BPTF: variants seen among roughly 807,000 people sequenced by gnomAD.
The protein encoded by BPTF is bromodomain PHD finger transcription factor.
In BPTF, 18 loss-of-function variants were observed where a neutral mutation model predicts 292.5. The observed-to-expected ratio is 0.06, with a 90% confidence interval of 0.04 to 0.09. The LOEUF is 0.09. Among genes scored for constraint, BPTF ranks in the 10% least tolerant of loss-of-function variants. BPTF has a pLI of 1.00. For synonymous variants in BPTF, 1,225 were observed against 1,251.9 expected (o/e 0.98, Z 0.45); for missense variants, 2,726 against 3,498.7 (o/e 0.78, Z 5.57).
At chr17:67,844,588 A>G (rs142355841) in intron 1 of BPTF, among the ~76,000 whole-genome samples, 7,145 of 142,484 alleles carry the variant, frequency 0.05, 217 homozygotes, top group South Asian at 0.11. Flanking sequence ...TTTACTAGAG[A>G]CAGAGTTTCA....
intron 1 of BPTF, among the ~76,000 whole-genome samples, chr17:67,846,700 G>T (rs1183865277): frequency 6.6e-6 from 1 of 152,080 alleles, no homozygotes; most frequent in African/African-American, 2.4e-5. Flanking sequence ...CTTAGGACTT[G>T]TGTGGGTTTG....
chr17:67,881,899 C>T (rs2060451769), intron 4 of BPTF, among the ~76,000 whole-genome samples: 2 of 113,714 alleles, frequency 1.8e-5, no homozygotes, highest in South Asian at 3.0e-4. Flanking sequence ...CAGGGTCTTG[C>T]TCTGTCACCC....
intron 17 of BPTF, among the ~76,000 whole-genome samples, chr17:67,930,115 C>CAA (rs57367735): frequency 3.7e-5 from 4 of 107,850 alleles, no homozygotes; most frequent in Non-Finnish European, 6.5e-5. Context: ...GACCTTGTCT[C>CAA]AAAAAAAAAA....
chr17:67,972,180 T>A (rs1483028409), intron 26 of BPTF, among the ~76,000 whole-genome samples: 1 of 152,184 alleles, frequency 6.6e-6, no homozygotes, highest in Non-Finnish European at 1.5e-5. Context: ...ATATTTCTTA[T>A]ATTTTTCTCT....
rs770051470 is a variant in BPTF at position 67,854,287 on chromosome 17, A to C, written c.961A>C (p.Ile321Leu). 5 of 1,614,060 alleles carry C rather than the reference A, an allele frequency of 3.1e-6. No individual in the cohort carries two copies. In the Admixed American group the frequency reaches 8.3e-5, roughly 27 times the overall value. ...KDSVNSTLYF[I>L]DGMTWPEVLR... is the part of the protein sequence containing the mutation. ...TAGCGTTAATTCCACACTGTATTTC[A>C]TAGATGGGATGACGTGGCCAGAGGT... The change falls in exon 2 of 28, where the codon ATA becomes CTA. Residue 321 changes from isoleucine to leucine, a missense_variant. Coordinates refer to ENST00000306378, the MANE Select transcript of BPTF (RefSeq NM_182641.4). The surrounding 1 kb of genome is among the most constrained non-coding windows in gnomAD (Gnocchi z 5.6).
Position 67,931,997 on chromosome 17 carries a change from A to T in BPTF, c.6237A>T (p.Arg2079=). The T allele has an allele frequency of 4.3e-6, 7 of 1,613,964 alleles. No individual in the cohort carries two copies. Among genetic ancestry groups the T allele is most frequent in the Non-Finnish European group, 4.2e-6 (5 of 1,179,854 alleles). ...QQSTLGKAII[R]TPVMVQPGAP... is the part of the protein sequence containing the mutation. ...CAACACTAGGAAAGGCAATTATTCGAACACCTGTGATGGTACAGCCAGGTA... is the reference window on the plus strand; with the variant it reads ...CAACACTAGGAAAGGCAATTATTCGTACACCTGTGATGGTACAGCCAGGTA... The change falls in exon 18 of 28, where the codon CGA becomes CGT. Residue 2079 remains arginine (R), a synonymous_variant. Transcript: ENST00000306378.
rs1483075442 is a variant in BPTF, at chr17:67,881,852, GTTTTTGTTTT to G, written c.1864+6838_1864+6847del. Among the ~76,000 whole-genome samples the G allele has an allele frequency of 7.3e-4, 28 of 38,402 alleles. 1 individual carries two copies. Among genetic ancestry groups the G allele is most frequent in the African/African-American group, 1.1e-3 (26 of 22,654 alleles). 25.2% of individuals were successfully genotyped at this position (38,402 alleles called of 152,430 possible). A position where few individuals can be genotyped will look rare whatever the true frequency, so the allele number is the denominator to read the frequency against. ...TAATATGGAGTTTTGGGGATTTTGG[GTTTTTGTTTT>G]TTTTTTTTTTTTTTTTTTTTTTGAG... On this transcript the variant is annotated intron_variant, in intron 4 of 27. Coordinates refer to ENST00000306378, the MANE Select transcript of BPTF (RefSeq NM_182641.4).
chr17:67,942,070 T>C (rs2065415029), intron 19 of BPTF, among the ~76,000 whole-genome samples: 1 of 151,818 alleles, frequency 6.6e-6, no homozygotes, highest in Non-Finnish European at 1.5e-5. Flanking sequence ...GGGGCCAAGG[T>C]TTTGGGAGGC....
At chr17:67,858,075 C>T (rs1002828066) in intron 2 of BPTF, among the ~76,000 whole-genome samples, 19 of 152,084 alleles carry the variant, frequency 1.2e-4, no homozygotes, top group Admixed American at 4.6e-4. Flanking sequence ...CGTGAGCCAC[C>T]GTGCCCGGCT....
chr17:67,862,775 C>T (rs1567925808), intron 2 of BPTF, among the ~76,000 whole-genome samples: 1 of 151,214 alleles, frequency 6.6e-6, no homozygotes, highest in South Asian at 2.1e-4. Flanking sequence ...GTCAGCAGGG[C>T]CATGCTCCCT....
In BPTF at chr17:67,909,125, G is replaced by A. The variant is rs150691668; in HGVS notation, c.2813-457G>A. Reference sequence around the variant, plus strand: ...GCTGGGATTACAGGCATGAGCCACCGCACCAGCCTATAGTATTAATGTTTA... The same window carrying A: ...GCTGGGATTACAGGCATGAGCCACCACACCAGCCTATAGTATTAATGTTTA... On this transcript the variant is annotated intron_variant, in intron 9 of 27. Transcript: ENST00000306378. Among the ~76,000 whole-genome samples, 9 of 151,638 alleles carry A rather than the reference G, an allele frequency of 5.9e-5. No individual in the cohort carries two copies. The East Asian group carries it at 1.4e-3, about 23-fold the overall frequency.
intron 1 of BPTF, among the ~76,000 whole-genome samples, chr17:67,832,792 T>TC (rs1428879318): frequency 7.0e-6 from 1 of 142,130 alleles, no homozygotes; most frequent in African/African-American, 2.7e-5. Context: ...TCTTTTTTTT[T>TC]TTTTTTTTTT....
At chr17:67,968,288 A>G (rs550751598) in intron 26 of BPTF, among the ~76,000 whole-genome samples, 1 of 151,582 alleles carries the variant, frequency 6.6e-6, no homozygotes, top group African/African-American at 2.4e-5. Context: ...GAAATAAATG[A>G]AAACTATCTC....
intron 26 of BPTF, among the ~76,000 whole-genome samples, chr17:67,973,054 T>TTATATATATATAAATATATATATAATA (rs1568222512): frequency 6.9e-6 from 1 of 144,446 alleles, no homozygotes; most frequent in African/African-American, 2.5e-5. Flanking sequence ...TATATATATT[T>TTATATATATATAAATATATATATAATA]TATATATATA....
intron 23 of BPTF, among the ~76,000 whole-genome samples, chr17:67,949,690 T>TATAC (rs1555677411): frequency 1.5e-4 from 22 of 151,534 alleles, no homozygotes; most frequent in African/African-American, 2.4e-4. Context: ...CAGACATACA[T>TATAC]ATATATATAC....
At chr17:67,858,254 G>A (rs1278718757) in intron 2 of BPTF, among the ~76,000 whole-genome samples, 9 of 152,328 alleles carry the variant, frequency 5.9e-5, no homozygotes, top group Admixed American at 1.3e-4. Context: ...TAAAATATGT[G>A]TAACTTTTTT....
Position 67,910,856 on chromosome 17 carries a change from A to G in BPTF, c.2993-21A>G, listed in dbSNP as rs777003231. ...CTTTCAGAGTAAAAATTACATTTATATAAATGTCTTTGTTTCACAGATGTG... is the reference window on the plus strand; with the variant it reads ...CTTTCAGAGTAAAAATTACATTTATGTAAATGTCTTTGTTTCACAGATGTG... On this transcript the variant is annotated intron_variant, in intron 10 of 27. Transcript: ENST00000306378. The G allele has an allele frequency of 7.3e-6, 11 of 1,514,374 alleles. No homozygotes were observed. The East Asian group carries it at 1.6e-4, about 22-fold the overall frequency. The allele number at this position is 1,514,374 out of a possible 1,614,324, so 93.8% of individuals were successfully genotyped here.
chr17:67,850,980 A>G (rs1397345785), intron 1 of BPTF, among the ~76,000 whole-genome samples: 2 of 152,212 alleles, frequency 1.3e-5, no homozygotes, highest in Non-Finnish European at 2.9e-5. Flanking sequence ...TAATAAGCAA[A>G]TTGATACAAT....
At chr17:67,969,382 G>C (rs1555689454) in intron 26 of BPTF, among the ~76,000 whole-genome samples, 1 of 148,850 alleles carries the variant, frequency 6.7e-6, no homozygotes, top group African/African-American at 2.5e-5. Flanking sequence ...AACCTGAGAG[G>C]CAGAGGTTGC....
Sources: allele counts gnomAD v4.1 joint callset (sites outside exome capture counted in the v4.1 genomes callset), GRCh38; gene constraint gnomAD v4.1.1; non-coding constraint Gnocchi (gnomAD v3.1); transcripts MANE v1.5; gene names NCBI Gene and HGNC (gene_info 2026-07-23, HGNC 2026-07-21).